The following DOCK8 variants were observed in gnomAD, a reference collection of about 807,000 sequenced individuals.
DOCK8 encodes the protein dedicator of cytokinesis 8, also known as dedicator of cytokinesis protein 8.
In DOCK8, 141 loss-of-function variants were observed where a neutral mutation model predicts 245.6. The ratio of observed to expected loss-of-function variants is 0.57; its 90% CI spans 0.50 to 0.66. DOCK8 has a LOEUF of 0.66. Ranked by LOEUF, DOCK8 falls within the 30% of genes least tolerant of loss-of-function variation. DOCK8 has a pLI of 0.00. For missense variants in DOCK8, 2,965 were observed against 2,603.4 expected (o/e 1.14, Z -3.02); for synonymous variants, 1,168 against 970.2 (o/e 1.20, Z -3.79).
intron 2 of DOCK8, among the ~76,000 whole-genome samples, chr9:276,575 A>G (rs942156450): frequency 1.2e-4 from 19 of 152,200 alleles, no homozygotes; most frequent in Non-Finnish European, 2.5e-4. Context: ...AACTTGTCCC[A>G]GGTCTATTTG....
chr9:277,652 CTA>C (rs1478820617), intron 2 of DOCK8, among the ~76,000 whole-genome samples: 1 of 151,770 alleles, frequency 6.6e-6, no homozygotes, highest in Non-Finnish European at 1.5e-5. Flanking sequence ...TAACCTTAAG[CTA>C]CATATTTTAT....
intron 46 of DOCK8, chr9:454,691 C>G (rs1171983734): frequency 6.6e-6 from 1 of 152,210 alleles, no homozygotes; most frequent in Non-Finnish European, 1.5e-5. Flanking sequence ...GAAAACTTGT[C>G]AGGAGAGTGA....
Position 399,261 on chromosome 9 carries a change from T to C in DOCK8, c.3234+2T>C, listed in dbSNP as rs756871628. The C allele has an allele frequency of 1.9e-5, 30 of 1,605,034 alleles. 1 individual carries two copies. The highest frequency in any genetic ancestry group is 1.9e-4 in the Admixed American group (11 of 59,446). On this transcript the variant is annotated splice_donor_variant, in intron 26 of 47. Transcript: ENST00000432829. LOFTEE classifies it high-confidence loss of function. ...CTCATCAGACATTATTGCAGCCAGG[T>C]GAGTGTCCCCCCCACCCCCACCCCC...
At chr9:229,532 A>C (rs1353933188) in intron 1 of DOCK8, among the ~76,000 whole-genome samples, 1 of 152,160 alleles carries the variant, frequency 6.6e-6, no homozygotes, top group African/African-American at 2.4e-5. Context: ...TGAGAGTATC[A>C]GAGAGAGAAG....
intron 36 of DOCK8, among the ~76,000 whole-genome samples, chr9:430,340 C>T (rs1338833872): frequency 2.6e-5 from 4 of 151,834 alleles, no homozygotes; most frequent in Non-Finnish European, 5.9e-5. Context: ...CCCCATTTCA[C>T]TCCAGCCTGG....
chr9:423,446 C>T (rs1168840749), intron 33 of DOCK8, among the ~76,000 whole-genome samples: 1 of 152,026 alleles, frequency 6.6e-6, no homozygotes, highest in Non-Finnish European at 1.5e-5. Context: ...GGTAGGATAC[C>T]CCATGGGTGA....
At chr9:270,771 A>G (rs2048142487) in intron 1 of DOCK8, among the ~76,000 whole-genome samples, 1 of 152,228 alleles carries the variant, frequency 6.6e-6, no homozygotes, top group Non-Finnish European at 1.5e-5. Context: ...GTTTCTAATT[A>G]TATTCAGTAG....
chr9:243,380 C>G (rs2047423491), intron 1 of DOCK8, among the ~76,000 whole-genome samples: 1 of 152,178 alleles, frequency 6.6e-6, no homozygotes, highest in African/African-American at 2.4e-5. Context: ...TTTTCCTGAT[C>G]TGGGAAGACA....
intron 9 of DOCK8, among the ~76,000 whole-genome samples, chr9:331,673 G>A (rs921295704): frequency 6.6e-6 from 1 of 152,080 alleles, no homozygotes; most frequent in Non-Finnish European, 1.5e-5. Flanking sequence ...TAAATATGGT[G>A]CCCAAATTTA....
At chr9:388,131 G>C (rs1044535855) in intron 23 of DOCK8, among the ~76,000 whole-genome samples, 1 of 152,120 alleles carries the variant, frequency 6.6e-6, no homozygotes, top group Non-Finnish European at 1.5e-5. Flanking sequence ...CTATTTTCTA[G>C]AGGCGACCTT....
chr9:302,832 A>C (rs1763753716), intron 4 of DOCK8, among the ~76,000 whole-genome samples: 1 of 152,178 alleles, frequency 6.6e-6, no homozygotes, highest in African/African-American at 2.4e-5. Context: ...CCTGTTATTG[A>C]AAAGTCATAA....
Position 342,794 on chromosome 9 carries a change from T to G in DOCK8, c.1679+2473T>G, listed in dbSNP as rs111920222. Among the ~76,000 whole-genome samples the G allele has an allele frequency of 4.5e-3, 681 of 152,292 alleles. 5 individuals are homozygous for G. The highest frequency in any genetic ancestry group is 0.016 in the African/African-American group (652 of 41,568). On this transcript the variant is annotated intron_variant, in intron 14 of 47. Coordinates refer to ENST00000432829, the MANE Select transcript of DOCK8 (RefSeq NM_203447.4). ...GTTATTCCTTTTAACTGCTGTTTAG[T>G]ATTCCTTTGTGAAGAGGCCATATTT...
chr9:370,784 A>G (rs1290359989), intron 16 of DOCK8, among the ~76,000 whole-genome samples: 1 of 152,146 alleles, frequency 6.6e-6, no homozygotes, highest in African/African-American at 2.4e-5. Flanking sequence ...TTCATGTTCC[A>G]CAGGGAAGGG....
At chr9:421,124 A>C in intron 32 of DOCK8, 46 bp downstream of exon 32, 1 of 1,612,494 alleles carries the variant, frequency 6.2e-7, no homozygotes, top group Non-Finnish European at 8.5e-7. Flanking sequence ...GCAGTTTTTC[A>C]CTGTTTGTGG....
chr9:302,477 A>T (rs2049597966), intron 4 of DOCK8, among the ~76,000 whole-genome samples: 1 of 152,252 alleles, frequency 6.6e-6, no homozygotes, highest in Admixed American at 6.5e-5. Flanking sequence ...AAGCAATGGT[A>T]ACAAAAACAA....
At chr9:436,466 A>C (rs1295854438) in intron 39 of DOCK8, among the ~76,000 whole-genome samples, 5 of 152,196 alleles carry the variant, frequency 3.3e-5, no homozygotes, top group African/African-American at 1.2e-4. Context: ...GGAAATTGTA[A>C]GGTTTAGCAC....
chr9:443,525 A>C lies in DOCK8; in HGVS notation c.5580+9A>C. On this transcript the variant is annotated intron_variant, in intron 43 of 47. Coordinates refer to ENST00000432829, the MANE Select transcript of DOCK8 (RefSeq NM_203447.4). ...AGTTGGATCCTAACAAGGTATACAA[A>C]AATTTACAAAAACTAACCATCAAGC... 1 of 1,610,230 alleles carries C rather than the reference A, an allele frequency of 6.2e-7. No individual in the cohort carries two copies. The highest frequency in any genetic ancestry group is 8.5e-7 in the Non-Finnish European group (1 of 1,176,652).
At chr9:419,957 A>G (rs2056205485) in intron 30 of DOCK8, among the ~76,000 whole-genome samples, 1 of 152,254 alleles carries the variant, frequency 6.6e-6, no homozygotes, top group Non-Finnish European at 1.5e-5. Flanking sequence ...CAGCAAGCTT[A>G]TTCATGGCAC....
At chr9:334,176 A>C (rs1315803701) in intron 10 of DOCK8, 49 bp from the exon 11 acceptor site, 1 of 1,611,048 alleles carries the variant, frequency 6.2e-7, no homozygotes, top group Non-Finnish European at 8.5e-7. Context: ...GAGGCAGTTG[A>C]CTTGGTGCTG....
Sources: gnomAD v4.1 joint callset for allele counts (sites outside exome capture counted in the v4.1 genomes callset) on GRCh38, gnomAD v4.1.1 for gene constraint, MANE v1.5 for transcripts, NCBI Gene and HGNC (gene_info 2026-07-23, HGNC 2026-07-21) for gene names.